The following TRDMT1 variants were observed in gnomAD, a reference collection of about 807,000 sequenced individuals.
The protein encoded by TRDMT1 is tRNA aspartic acid methyltransferase 1.
In TRDMT1, 49 loss-of-function variants were observed where a neutral mutation model predicts 51.2. That is an observed-to-expected ratio of 0.96 (90% CI 0.76 to 1.21). The LOEUF (loss-of-function observed/expected upper bound fraction) is 1.21. Ranked by LOEUF, TRDMT1 falls within the 50% of genes most tolerant of loss-of-function variation. TRDMT1 has a pLI of 0.00. For synonymous variants in TRDMT1, 187 were observed against 164.6 expected, an observed-to-expected ratio of 1.14 and a Z score of -1.04; for missense variants, 534 against 462.3, an observed-to-expected ratio of 1.16 and a Z score of -1.42.
intron 3 of TRDMT1, among the ~76,000 whole-genome samples, chr10:17,165,623 G>C (rs970237192): frequency 1.8e-4 from 28 of 152,042 alleles, no homozygotes; most frequent in Admixed American, 9.2e-4. Context: ...CTACTCATCT[G>C]ACAAAGGGCT....
intron 1 of TRDMT1, among the ~76,000 whole-genome samples, chr10:17,183,654 T>C (rs566365621): frequency 9.9e-5 from 15 of 152,238 alleles, no homozygotes; most frequent in Admixed American, 8.5e-4. Flanking sequence ...CCTGACCTCA[T>C]GATCCACCTG....
At position 17,187,186 on chromosome 10, in the gene TRDMT1, T is replaced by C. The variant is rs139263604; in HGVS notation, c.65-12526A>G. On this transcript the variant is annotated intron_variant, in intron 1 of 10. Coordinates refer to ENST00000377799, the MANE Select transcript of TRDMT1 (RefSeq NM_004412.7). ...ACAAAGAAAAATCACTCCATAGTTA[T>C]GTACTGAATAAATGAATATTTTCAG... Among the ~76,000 whole-genome samples the C allele has an allele frequency of 3.5e-4, 53 of 152,306 alleles. No individual in the cohort carries two copies. In the Middle Eastern group the frequency reaches 0.01, roughly 29 times the overall value.
chr10:17,153,172 G>T (rs1249013556), intron 10 of TRDMT1: 6 of 418,954 alleles, frequency 1.4e-5, no homozygotes, highest in Non-Finnish European at 2.1e-5. Flanking sequence ...GGGTGATTAG[G>T]AGAGGACCTC....
chr10:17,191,032 A>T (rs1844615753), intron 1 of TRDMT1, among the ~76,000 whole-genome samples: 1 of 152,208 alleles, frequency 6.6e-6, no homozygotes, highest in South Asian at 2.1e-4. Flanking sequence ...GATGGGCCTG[A>T]CAGATATCAG....
At chr10:17,151,668 A>G (rs1460928605) in intron 10 of TRDMT1, 2 of 955,978 alleles carry the variant, frequency 2.1e-6, no homozygotes, top group Admixed American at 1.2e-4. Flanking sequence ...AAGAGCTTTG[A>G]AAAATTCTAT....
At chr10:17,166,198 G>T (rs1187554418) in intron 3 of TRDMT1, among the ~76,000 whole-genome samples, 1 of 151,940 alleles carries the variant, frequency 6.6e-6, no homozygotes, top group East Asian at 1.9e-4. Flanking sequence ...GCCATAAAAA[G>T]GATGAGTTCA....
intron 2 of TRDMT1, 93 bp from the exon 3 acceptor site, chr10:17,169,010 A>C (rs1053961447): frequency 1.2e-6 from 1 of 825,880 alleles, no homozygotes; most frequent in African/African-American, 1.7e-5. Context: ...AATATATCAG[A>C]AACTGAAACA....
intron 4 of TRDMT1, 142 bp downstream of exon 4, chr10:17,162,024 G>A: frequency 5.4e-6 from 4 of 741,770 alleles, no homozygotes; most frequent in South Asian, 1.6e-5. Flanking sequence ...ATTAGTCATG[G>A]TAGGAGAAGA....
intron 10 of TRDMT1, chr10:17,153,203 A>G (rs1034777542): frequency 1.2e-5 from 5 of 434,724 alleles, no homozygotes; most frequent in Admixed American, 3.9e-5. Flanking sequence ...AATAAGCTGG[A>G]AAGGGGATGC....
Position 17,145,981 on chromosome 10 carries a change from C to A in TRDMT1, c.*3059G>T. The A allele has an allele frequency of 1.0e-6, 1 of 985,380 alleles. No individual in the cohort carries two copies. Among genetic ancestry groups the A allele is most frequent in the Non-Finnish European group, 1.2e-6 (1 of 829,948 alleles). 61.0% of individuals were successfully genotyped at this position (985,380 alleles called of 1,614,324 possible). On this transcript the variant is annotated 3_prime_UTR_variant, in exon 11 of 11. Transcript: ENST00000377799. ...ACTAGGTTGAGATGGGAGCAAAAACCCAGATGGTGATTTCTGCTGAGAACT... is the reference window on the plus strand; with the variant it reads ...ACTAGGTTGAGATGGGAGCAAAAACACAGATGGTGATTTCTGCTGAGAACT...
intron 2 of TRDMT1, among the ~76,000 whole-genome samples, chr10:17,172,802 A>G (rs913397051): frequency 6.6e-6 from 1 of 152,188 alleles, no homozygotes; most frequent in East Asian, 1.9e-4. Flanking sequence ...GTTGGTGCCT[A>G]TAACATTCGT....
At chr10:17,154,045 C>T (rs1356793957) in intron 9 of TRDMT1, among the ~76,000 whole-genome samples, 1 of 152,060 alleles carries the variant, frequency 6.6e-6, no homozygotes, top group Non-Finnish European at 1.5e-5. Context: ...CAAGATACTT[C>T]CTTAAAATGA....
In TRDMT1 at chr10:17,181,666, T is replaced by G. The variant is rs117639830; in HGVS notation, c.65-7006A>C. On this transcript the variant is annotated intron_variant, in intron 1 of 10. Transcript: ENST00000377799. Reference sequence around the variant, plus strand: ...CAATGCTCATTTTTAAGTAATTGTTTGACATTTAGGTCAAATTTTTTAACA... The same window carrying G: ...CAATGCTCATTTTTAAGTAATTGTTGGACATTTAGGTCAAATTTTTTAACA... 3.5e-3 allele frequency among the ~76,000 whole-genome samples: 329 copies of G among 93,262 alleles called. 3 individuals are homozygous for G. Among genetic ancestry groups the G allele is most frequent in the South Asian group, 4.7e-3 (11 of 2,316 alleles). 61.2% of individuals were successfully genotyped at this position (93,262 alleles called of 152,430 possible).
At position 17,145,509 on chromosome 10, in the gene TRDMT1, T is replaced by G; in HGVS notation, c.*3531A>C. On this transcript the variant is annotated 3_prime_UTR_variant, in exon 11 of 11. Coordinates refer to ENST00000377799, the MANE Select transcript of TRDMT1 (RefSeq NM_004412.7). ...GGCTACAAGAAAACTGCTGAGGCTATATGACCCTCACACAGTTTCAAAGTC... is the reference window on the plus strand; with the variant it reads ...GGCTACAAGAAAACTGCTGAGGCTAGATGACCCTCACACAGTTTCAAAGTC... 1 of 985,436 alleles carries G rather than the reference T, an allele frequency of 1.0e-6. No homozygotes were observed. Among genetic ancestry groups the G allele is most frequent in the Non-Finnish European group, 1.2e-6 (1 of 829,932 alleles). 61.0% of individuals were successfully genotyped at this position (985,436 alleles called of 1,614,324 possible).
Position 17,146,018 on chromosome 10 carries a change from C to A in TRDMT1, c.*3022G>T. ...TTCTGCTGAGAACTTCCACCCCTACCAATGCGTTGAATTGCCTGCACTCAT... is the reference window on the plus strand; with the variant it reads ...TTCTGCTGAGAACTTCCACCCCTACAAATGCGTTGAATTGCCTGCACTCAT... On this transcript the variant is annotated 3_prime_UTR_variant, in exon 11 of 11. Transcript: ENST00000377799. 1.0e-6 allele frequency: 1 copy of A among 985,436 alleles called. No homozygotes were observed. Among genetic ancestry groups the A allele is most frequent in the Non-Finnish European group, 1.2e-6 (1 of 829,958 alleles). The allele number at this position is 985,436 out of a possible 1,614,324, so 61.0% of individuals were successfully genotyped here. A position where few individuals can be genotyped will look rare whatever the true frequency, so the allele number is the denominator to read the frequency against.
At chr10:17,155,145 C>A (rs886563308) in intron 8 of TRDMT1, among the ~76,000 whole-genome samples, 1 of 151,946 alleles carries the variant, frequency 6.6e-6, no homozygotes, top group African/African-American at 2.4e-5. Context: ...ACCTGGGAGG[C>A]GGAGGTTGCA....
chr10:17,190,170 G>A (rs556300077), intron 1 of TRDMT1, among the ~76,000 whole-genome samples: 11 of 152,160 alleles, frequency 7.2e-5, no homozygotes, highest in Admixed American at 1.3e-4. Context: ...ATAATTTTAC[G>A]CTTTTAGACA....
In TRDMT1 at chr10:17,140,870, C is replaced by A. The variant is rs961623071; in HGVS notation, c.*8170G>T. On this transcript the variant is annotated 3_prime_UTR_variant, in exon 11 of 11. Coordinates refer to ENST00000377799, the MANE Select transcript of TRDMT1 (RefSeq NM_004412.7). ...TTCACAGTTATAATCATTAGCTATA[C>A]GTTAGGTGTCTTCCTTTCATCTTTG... is the stretch of plus-strand genomic sequence containing the variant. Among the ~76,000 whole-genome samples, 2 of 152,156 alleles carry A rather than the reference C, an allele frequency of 1.3e-5. No individual in the cohort carries two copies. Among genetic ancestry groups the A allele is most frequent in the African/African-American group, 4.8e-5 (2 of 41,442 alleles).
chr10:17,191,441 G>A (rs1844665921), intron 1 of TRDMT1, among the ~76,000 whole-genome samples: 1 of 152,218 alleles, frequency 6.6e-6, no homozygotes, highest in Admixed American at 6.5e-5. Context: ...CTTAGCTGCA[G>A]ATGCTTTATC....
Sources: allele counts gnomAD v4.1 joint callset (sites outside exome capture counted in the v4.1 genomes callset), GRCh38; gene constraint gnomAD v4.1.1; transcripts MANE v1.5; gene names NCBI Gene and HGNC (gene_info 2026-07-23, HGNC 2026-07-21).